RSRC1: variants seen among roughly 807,000 people sequenced by gnomAD.
The protein encoded by RSRC1 is serine/Arginine-related protein 53.
RSRC1 carries 39 observed loss-of-function variants against 49.1 expected under a neutral mutation model. The ratio of observed to expected loss-of-function variants is 0.79; its 90% confidence interval spans 0.61 to 1.04. The LOEUF (loss-of-function observed/expected upper bound fraction) is 1.04, where lower values mean the gene tolerates loss of function less well. Among genes scored for constraint, RSRC1 ranks in the 50% least tolerant of loss-of-function variants. RSRC1 has a pLI of 0.00. For synonymous variants in RSRC1, 143 were observed against 130.8 expected, an observed-to-expected ratio of 1.09 and a Z score of -0.63; for missense variants, 388 against 402.4, an observed-to-expected ratio of 0.96 and a Z score of 0.31.
rs1342989055 is a variant in RSRC1, at chr3:158,199,131, G to A, written c.321-3941G>A. Among the ~76,000 whole-genome samples the A allele has an allele frequency of 2.6e-5, 4 of 152,066 alleles. No homozygotes were observed. The South Asian group carries it at 6.2e-4, about 24-fold the overall frequency. On this transcript the variant is annotated intron_variant, in intron 3 of 9. Transcript: ENST00000611884. Reference sequence around the variant, plus strand: ...TCTCATGAGATCTGAAGGTAAAAACGGGAGTTTCTCTGCACAAGCTCTTTC... The same window carrying A: ...TCTCATGAGATCTGAAGGTAAAAACAGGAGTTTCTCTGCACAAGCTCTTTC...
intron 3 of RSRC1, among the ~76,000 whole-genome samples, chr3:158,154,106 AT>A (rs1172733004): frequency 2.0e-5 from 3 of 152,142 alleles, no homozygotes; most frequent in Non-Finnish European, 4.4e-5. Context: ...AGTCATATGA[AT>A]TTTTTTGTTT....
chr3:158,458,930 A>G (rs534533804), intron 6 of RSRC1, among the ~76,000 whole-genome samples: 4 of 152,326 alleles, frequency 2.6e-5, no homozygotes, highest in Non-Finnish European at 5.9e-5. Flanking sequence ...CATTTTTTCC[A>G]GATTTCCTTA....
chr3:158,502,335 T>C (rs1739645338), intron 7 of RSRC1, among the ~76,000 whole-genome samples: 1 of 151,588 alleles, frequency 6.6e-6, no homozygotes, highest in Admixed American at 6.6e-5. Flanking sequence ...CTGATGACAA[T>C]GTGCCTAGGT....
intron 7 of RSRC1, among the ~76,000 whole-genome samples, chr3:158,487,138 G>A (rs114605268): frequency 6.6e-6 from 1 of 152,190 alleles, no homozygotes; most frequent in African/African-American, 2.4e-5. Flanking sequence ...CAATACTGTT[G>A]CACAGATAAG....
intron 1 of RSRC1, among the ~76,000 whole-genome samples, chr3:158,119,720 ATT>A (rs56053780): frequency 0.65 from 97,541 of 150,800 alleles, 31,746 homozygotes; most frequent in East Asian, 0.83. Flanking sequence ...ACACATGTGA[ATT>A]TATATGTATG....
intron 3 of RSRC1, among the ~76,000 whole-genome samples, chr3:158,125,607 T>C (rs2108170602): frequency 6.6e-6 from 1 of 152,286 alleles, no homozygotes; most frequent in South Asian, 2.1e-4. Context: ...TCGGTCTTAT[T>C]AAATTTGTTA....
At chr3:158,340,338 C>G (rs774304759) in intron 5 of RSRC1, among the ~76,000 whole-genome samples, 26 of 152,090 alleles carry the variant, frequency 1.7e-4, no homozygotes, top group Non-Finnish European at 2.9e-4. Context: ...GTCAGGAGTT[C>G]AAGACCAGCC....
At chr3:158,142,342 T>C (rs1414382179) in intron 3 of RSRC1, among the ~76,000 whole-genome samples, 1 of 152,236 alleles carries the variant, frequency 6.6e-6, no homozygotes, top group East Asian at 1.9e-4. Context: ...TCTAGATAAC[T>C]TATAAAAATA....
chr3:158,516,977 C>T (rs1315691866), intron 7 of RSRC1, among the ~76,000 whole-genome samples: 2 of 152,224 alleles, frequency 1.3e-5, no homozygotes, highest in African/African-American at 4.8e-5. Context: ...CACGCACCCA[C>T]TGACCTATGC....
At chr3:158,203,038 ACT>A in intron 3 of RSRC1, 32 bp from the exon 4 acceptor site, 1 of 1,533,190 alleles carries the variant, frequency 6.5e-7, no homozygotes, top group Non-Finnish European at 9.0e-7. Context: ...CAAATTATAC[ACT>A]AAGTTTATTT....
chr3:158,544,145 A>G (rs746512658), intron 9 of RSRC1, 38 bp from the exon 10 acceptor site: 74 of 1,384,956 alleles, frequency 5.3e-5, no homozygotes, highest in Non-Finnish European at 7.6e-5. Context: ...AGTTATTGGG[A>G]GACAGTAACA....
At chr3:158,276,527 A>G in intron 4 of RSRC1, 2 of 546,040 alleles carry the variant, frequency 3.7e-6, no homozygotes, top group African/African-American at 3.8e-5. Flanking sequence ...CTTTTCTCAA[A>G]CTCTCAGTTT....
intron 6 of RSRC1, among the ~76,000 whole-genome samples, chr3:158,441,611 T>A (rs9846272): frequency 0.012 from 1,759 of 152,244 alleles, 34 homozygotes; most frequent in African/African-American, 0.041. Context: ...CAAGTAATAC[T>A]TCTCAAAGTG....
intron 6 of RSRC1, among the ~76,000 whole-genome samples, chr3:158,395,004 T>C (rs1192810254): frequency 4.0e-5 from 6 of 151,628 alleles, no homozygotes; most frequent in Admixed American, 6.6e-5. Context: ...AGGAACAGAA[T>C]AGAGAGCCCA....
intron 3 of RSRC1, among the ~76,000 whole-genome samples, chr3:158,195,581 T>C (rs373898301): frequency 6.6e-6 from 1 of 152,352 alleles, no homozygotes; most frequent in South Asian, 2.1e-4. Context: ...CCCATGCCTA[T>C]GTCCTGAATG....
chr3:158,537,044 T>C (rs1289192331), intron 7 of RSRC1, 48 bp from the exon 8 acceptor site: 1 of 1,209,792 alleles, frequency 8.3e-7, no homozygotes. Flanking sequence ...TGTAGTGTTA[T>C]TAACATGCTT....
At chr3:158,187,867 T>A (rs1208630231) in intron 3 of RSRC1, among the ~76,000 whole-genome samples, 1 of 152,004 alleles carries the variant, frequency 6.6e-6, no homozygotes, top group Non-Finnish European at 1.5e-5. Flanking sequence ...TGGATTAGAC[T>A]GAAAAACTGG....
chr3:158,442,013 T>C (rs1361743240), intron 6 of RSRC1, among the ~76,000 whole-genome samples: 1 of 152,166 alleles, frequency 6.6e-6, no homozygotes, highest in African/African-American at 2.4e-5. Flanking sequence ...TATACTGTAC[T>C]GTAGTCTATT....
intron 4 of RSRC1, among the ~76,000 whole-genome samples, chr3:158,249,411 T>C (rs1041804340): frequency 6.6e-6 from 1 of 152,232 alleles, no homozygotes; most frequent in Non-Finnish European, 1.5e-5. Flanking sequence ...TCTGCATAAG[T>C]GTTCTGACAC....
Sources: allele counts gnomAD v4.1 joint callset (sites outside exome capture counted in the v4.1 genomes callset), GRCh38; gene constraint gnomAD v4.1.1; transcripts MANE v1.5; gene names NCBI Gene and HGNC (gene_info 2026-07-23, HGNC 2026-07-21).